SLC35F1: variants seen among roughly 807,000 people sequenced by gnomAD.
SLC35F1 encodes chromosome 6 open reading frame 169.
SLC35F1 carries 14 observed loss-of-function variants against 48.7 expected under a neutral mutation model. That is an observed-to-expected ratio of 0.29 (90% confidence interval 0.19 to 0.45). SLC35F1 has a LOEUF of 0.45. Among genes scored for constraint, SLC35F1 ranks in the 20% least tolerant of loss-of-function variants. The pLI, the probability that SLC35F1 is intolerant of heterozygous loss-of-function variation, is 1.00. For missense variants in SLC35F1, 404 were observed against 500.0 expected (o/e 0.81, Z 1.83); for synonymous variants, 190 against 202.2 (o/e 0.94, Z 0.51).
chr6:118,302,365 G>A (rs1226561408), intron 7 of SLC35F1, among the ~76,000 whole-genome samples: 1 of 152,018 alleles, frequency 6.6e-6, no homozygotes, highest in Non-Finnish European at 1.5e-5. Flanking sequence ...CACCCCAGGA[G>A]GAACCATTTC....
intron 2 of SLC35F1, among the ~76,000 whole-genome samples, chr6:118,206,313 C>T (rs1774935099): frequency 6.6e-6 from 1 of 152,126 alleles, no homozygotes; most frequent in African/African-American, 2.4e-5. Flanking sequence ...ATCATGTTAA[C>T]ATGCTATCTT....
chr6:118,247,419 G>A (rs1256526617), intron 3 of SLC35F1, among the ~76,000 whole-genome samples: 1 of 152,184 alleles, frequency 6.6e-6, no homozygotes, highest in African/African-American at 2.4e-5. Flanking sequence ...AGGGGAAATT[G>A]TACAAGCAAG....
intron 1 of SLC35F1, among the ~76,000 whole-genome samples, chr6:117,997,185 T>G (rs1241136752): frequency 6.6e-6 from 1 of 151,814 alleles, no homozygotes; most frequent in Non-Finnish European, 1.5e-5. Flanking sequence ...TGATGGAAGA[T>G]GAAATGAATG....
intron 1 of SLC35F1, among the ~76,000 whole-genome samples, chr6:117,944,576 A>AACAC (rs1413215739): frequency 5.1e-5 from 6 of 118,438 alleles, no homozygotes; most frequent in South Asian, 3.2e-4. Flanking sequence ...CCTCTCCCAA[A>AACAC]ACACACACAT....
intron 1 of SLC35F1, among the ~76,000 whole-genome samples, chr6:117,932,329 T>A (rs1035028448): frequency 1.3e-5 from 2 of 152,196 alleles, no homozygotes; most frequent in Non-Finnish European, 2.9e-5. Flanking sequence ...ACATTTCAAT[T>A]TTTTTGACCA....
chr6:118,122,824 T>C (rs1773571632), intron 1 of SLC35F1, among the ~76,000 whole-genome samples: 1 of 152,102 alleles, frequency 6.6e-6, no homozygotes. Flanking sequence ...GGCTTTAAAA[T>C]AAAATGCCCG....
intron 4 of SLC35F1, among the ~76,000 whole-genome samples, chr6:118,269,259 G>A (rs1473440013): frequency 6.6e-6 from 1 of 152,174 alleles, no homozygotes; most frequent in Non-Finnish European, 1.5e-5. Context: ...ATGTAGATGT[G>A]GCTAAAACAT....
chr6:118,202,161 A>G (rs1245028359), intron 2 of SLC35F1, among the ~76,000 whole-genome samples: 1 of 152,126 alleles, frequency 6.6e-6, no homozygotes, highest in Non-Finnish European at 1.5e-5. Context: ...TGGTAACTCT[A>G]TGTGTAAACT....
At chr6:118,010,056 T>G (rs1197747657) in intron 1 of SLC35F1, among the ~76,000 whole-genome samples, 1 of 152,196 alleles carries the variant, frequency 6.6e-6, no homozygotes, top group Non-Finnish European at 1.5e-5. Context: ...TATTTAGGAT[T>G]CTTTTAAACG....
chr6:118,289,952 G>A (rs1215158698), intron 7 of SLC35F1, among the ~76,000 whole-genome samples: 2 of 152,108 alleles, frequency 1.3e-5, no homozygotes, highest in Non-Finnish European at 2.9e-5. Flanking sequence ...TAACCATGGC[G>A]ATGTTGATAT....
At chr6:118,129,295 G>A (rs116091324) in intron 1 of SLC35F1, among the ~76,000 whole-genome samples, 1 of 152,124 alleles carries the variant, frequency 6.6e-6, no homozygotes, top group African/African-American at 2.4e-5. Context: ...GGAAGAGAAT[G>A]GGGTGAGTGA....
chr6:118,314,411 A>G lies in SLC35F1; in HGVS notation c.*159A>G, dbSNP rs564711944. On this transcript the variant is annotated 3_prime_UTR_variant, in exon 8 of 8. Coordinates refer to ENST00000360388, the MANE Select transcript of SLC35F1 (RefSeq NM_001029858.4). The stretch of plus-strand genomic sequence containing the variant: ...AAAGCTTGTGAAAGGAACAAGCTCA[A>G]CATCACTGGAGACACAGGCTCTAAT... The G allele has an allele frequency of 2.6e-5, 17 of 645,724 alleles. No homozygotes were observed. In the African/African-American group the frequency reaches 2.7e-4, roughly 10 times the overall value. 40.0% of individuals were successfully genotyped at this position (645,724 alleles called of 1,614,324 possible).
At chr6:118,205,801 C>A (rs1209855015) in intron 2 of SLC35F1, among the ~76,000 whole-genome samples, 1 of 152,046 alleles carries the variant, frequency 6.6e-6, no homozygotes, top group Non-Finnish European at 1.5e-5. Flanking sequence ...TATTATTCAG[C>A]CACAAAAGAA....
intron 1 of SLC35F1, among the ~76,000 whole-genome samples, chr6:118,089,779 C>G (rs1023587691): frequency 1.4e-4 from 21 of 152,290 alleles, no homozygotes; most frequent in African/African-American, 5.1e-4. Context: ...TTGTGGATGA[C>G]AGGGCTTCAT....
chr6:117,999,229 C>A (rs1777048382), intron 1 of SLC35F1: 1 of 1,596,168 alleles, frequency 6.3e-7, no homozygotes, highest in Non-Finnish European at 8.5e-7. Context: ...AGCCCAAGAT[C>A]CCAAAGGGAG....
intron 2 of SLC35F1, among the ~76,000 whole-genome samples, chr6:118,182,014 T>C (rs1774584524): frequency 6.6e-6 from 1 of 152,202 alleles, no homozygotes; most frequent in Non-Finnish European, 1.5e-5. Context: ...TGTTTGCTAT[T>C]TTATTTTTAA....
At chr6:118,224,808 T>C (rs1156766982) in intron 2 of SLC35F1, among the ~76,000 whole-genome samples, 2 of 152,124 alleles carry the variant, frequency 1.3e-5, no homozygotes, top group Non-Finnish European at 2.9e-5. Flanking sequence ...AGTTTTTTGG[T>C]GGAGTCTCTA....
intron 1 of SLC35F1, among the ~76,000 whole-genome samples, chr6:118,107,496 A>G (rs1373731622): frequency 6.6e-6 from 1 of 152,210 alleles, no homozygotes; most frequent in Non-Finnish European, 1.5e-5. Context: ...AACAACTCAT[A>G]TATTAGAAAA....
intron 1 of SLC35F1, among the ~76,000 whole-genome samples, chr6:118,047,284 T>G (rs1772314700): frequency 6.6e-6 from 1 of 152,150 alleles, no homozygotes; most frequent in Admixed American, 6.6e-5. Flanking sequence ...TACAAAGAAT[T>G]TATAACCTCC....
Sources: gnomAD v4.1 joint callset for allele counts (sites outside exome capture counted in the v4.1 genomes callset) on GRCh38, gnomAD v4.1.1 for gene constraint, MANE v1.5 for transcripts, NCBI Gene and HGNC (gene_info 2026-07-23, HGNC 2026-07-21) for gene names.